The following NCS1 variants were observed in gnomAD, a reference collection of about 807,000 sequenced individuals.
The protein encoded by NCS1 is frequenin homolog.
NCS1 carries 6 observed loss-of-function variants against 28.4 expected under a neutral mutation model. The ratio of observed to expected loss-of-function variants is 0.21; its 90% CI spans 0.12 to 0.42. The LOEUF is 0.42. Among genes scored for constraint, NCS1 ranks in the 10% least tolerant of loss-of-function variants. The pLI, the probability that NCS1 is intolerant of heterozygous loss-of-function variation, is 1.00. For synonymous variants in NCS1, 86 were observed against 99.3 expected, an observed-to-expected ratio of 0.87 and a Z score of 0.79; for missense variants, 131 against 241.4, an observed-to-expected ratio of 0.54 and a Z score of 3.03.
intron 1 of NCS1, among the ~76,000 whole-genome samples, chr9:130,176,765 A>G (rs1331805457): frequency 1.3e-5 from 2 of 152,258 alleles, no homozygotes; most frequent in African/African-American, 4.8e-5. Flanking sequence ...GCATGGAGAC[A>G]GAGGAGTGGA....
chr9:130,214,696 A>G (rs1010264501), intron 2 of NCS1, among the ~76,000 whole-genome samples: 1 of 152,192 alleles, frequency 6.6e-6, no homozygotes, highest in African/African-American at 2.4e-5. Flanking sequence ...GAGGGCTCAG[A>G]GGAGCCTGTC....
chr9:130,223,781 AT>A (rs1189604572), intron 6 of NCS1, among the ~76,000 whole-genome samples: 8 of 151,946 alleles, frequency 5.3e-5, no homozygotes, highest in South Asian at 2.1e-4. Flanking sequence ...AAAAAGGCTG[AT>A]TTTTTTTCCC....
intron 2 of NCS1, among the ~76,000 whole-genome samples, 183 bp from the exon 3 acceptor site, chr9:130,217,649 A>G (rs554730068): frequency 2.6e-5 from 4 of 152,182 alleles, no homozygotes; most frequent in Non-Finnish European, 5.9e-5. Flanking sequence ...ATCCAAGGTC[A>G]CACTGCTAGT....
intron 1 of NCS1, among the ~76,000 whole-genome samples, chr9:130,189,755 TTGCTTGAACC>T (rs1356829103): frequency 1.3e-5 from 2 of 150,232 alleles, no homozygotes; most frequent in Non-Finnish European, 2.9e-5. Context: ...GGCAGGAGAA[TTGCTTGAACC>T]TGCTTGAACC....
rs1833556720 is a variant in NCS1 at position 130,234,798 on chromosome 9, C to T, written c.*1826C>T. The stretch of plus-strand genomic sequence containing the variant: ...CCAGACCCTTGAGCGCTCTTTGGGA[C>T]CCAGAAGGAGTCCTTGCACAGGGAA... On this transcript the variant is annotated 3_prime_UTR_variant, in exon 8 of 8. Coordinates refer to ENST00000372398, the MANE Select transcript of NCS1 (RefSeq NM_014286.4). The surrounding 1 kb of genome is among the most constrained non-coding windows in gnomAD (Gnocchi z 6.1). 2.0e-5 allele frequency: 3 copies of T among 152,362 alleles called. No individual in the cohort carries two copies. Among genetic ancestry groups the T allele is most frequent in the South Asian group, 4.1e-4 (2 of 4,830 alleles). 9.4% of individuals were successfully genotyped at this position (152,362 alleles called of 1,614,324 possible).
At chr9:130,189,607 C>T (rs1027977432) in intron 1 of NCS1, among the ~76,000 whole-genome samples, 1 of 151,922 alleles carries the variant, frequency 6.6e-6, no homozygotes, top group African/African-American at 2.4e-5. Context: ...TTTGAGAGGC[C>T]GAGGTGGGCG....
Position 130,219,997 on chromosome 9 carries a change from A to G in NCS1, c.307+194A>G, listed in dbSNP as rs1833253951. Among the ~76,000 whole-genome samples the G allele has an allele frequency of 6.6e-6, 1 of 152,250 alleles. No homozygotes were observed. The highest frequency in any genetic ancestry group is 6.5e-5 in the Admixed American group (1 of 15,292). ...CCTCACACGGCCACGTAACTAGGCC[A>G]GGCTGACTGTCCAGGGTTCAGAGAG... On this transcript the variant is annotated intron_variant, in intron 4 of 7. Coordinates refer to ENST00000372398, the MANE Select transcript of NCS1 (RefSeq NM_014286.4). The surrounding 1 kb of genome is among the most constrained non-coding windows in gnomAD (Gnocchi z 5.7).
intron 2 of NCS1, 45 bp from the exon 3 acceptor site, chr9:130,217,787 G>A (rs1371659636): frequency 1.2e-6 from 2 of 1,613,496 alleles, no homozygotes; most frequent in Admixed American, 1.7e-5. Context: ...GGTGGGTGAT[G>A]TTGGCGTCTC....
chr9:130,201,072 C>T (rs193142075), intron 2 of NCS1, 90 bp downstream of exon 2: 1 of 1,555,074 alleles, frequency 6.4e-7, no homozygotes, highest in South Asian at 1.1e-5. Context: ...TCCAGCTGCT[C>T]AGGATGGGGG....
At chr9:130,213,533 C>T (rs1234142870) in intron 2 of NCS1, among the ~76,000 whole-genome samples, 1 of 152,024 alleles carries the variant, frequency 6.6e-6, no homozygotes, top group Non-Finnish European at 1.5e-5. Context: ...CCCGTCTCAG[C>T]CTCCCAAAGT....
At chr9:130,204,470 T>G (rs1351177438) in intron 2 of NCS1, among the ~76,000 whole-genome samples, 2 of 151,864 alleles carry the variant, frequency 1.3e-5, no homozygotes, top group Non-Finnish European at 2.9e-5. Flanking sequence ...TTAAAAAATT[T>G]TACTGTAGAG....
intron 4 of NCS1, among the ~76,000 whole-genome samples, chr9:130,221,856 T>TA (rs1554910539): frequency 1.1e-4 from 8 of 70,440 alleles, no homozygotes; most frequent in African/African-American, 5.0e-4. Context: ...AAATATAAAT[T>TA]ATGTATATAT....
Position 130,236,863 on chromosome 9 carries a change from A to G in NCS1, c.*3891A>G, listed in dbSNP as rs1157045677. On this transcript the variant is annotated 3_prime_UTR_variant, in exon 8 of 8. Coordinates refer to ENST00000372398, the MANE Select transcript of NCS1 (RefSeq NM_014286.4). ...CTGCTCATTGGGTCTCAATTTCCCC[A>G]TCCCTTGGATGGGAGCAAGAGTCTC... The G allele has an allele frequency of 2.0e-5, 3 of 152,018 alleles. No homozygotes were observed. The highest frequency in any genetic ancestry group is 4.4e-5 in the Non-Finnish European group (3 of 68,006). The allele number at this position is 152,018 out of a possible 1,614,324, so 9.4% of individuals were successfully genotyped here.
rs1278824065 is a variant in NCS1, at chr9:130,186,845, C to G, written c.65-14113C>G. On this transcript the variant is annotated intron_variant, in intron 1 of 7. Coordinates refer to ENST00000372398, the MANE Select transcript of NCS1 (RefSeq NM_014286.4). This position sits in a 1 kb window ranked among gnomAD's most constrained non-coding sequence, Gnocchi z 4.1. ...GTGAGGGTGCTGATGGCGGGAGGGC[C>G]CTGATGGCAGGAGGGCCCGTGCTGT... 6.6e-6 allele frequency among the ~76,000 whole-genome samples: 1 copy of G among 152,136 alleles called. No individual in the cohort carries two copies. The highest frequency in any genetic ancestry group is 1.5e-5 in the Non-Finnish European group (1 of 68,012).
At position 130,183,310 on chromosome 9, in the gene NCS1, G is replaced by GC. The variant is rs200850484; in HGVS notation, c.64+10583_64+10584insC. Among the ~76,000 whole-genome samples, 73 of 131,214 alleles carry GC rather than the reference G, an allele frequency of 5.6e-4. No homozygotes were observed. The East Asian group carries it at 0.013, about 23-fold the overall frequency. 86.1% of individuals were successfully genotyped at this position (131,214 alleles called of 152,430 possible). A position where few individuals can be genotyped will look rare whatever the true frequency, so the allele number is the denominator to read the frequency against. ...CGGGTGCCCTGACCATGCGGCTGGG[G>GC]GGGGGAGCTCCTTGCCCAGGAGGGG... is the stretch of plus-strand genomic sequence containing the variant. On this transcript the variant is annotated intron_variant, in intron 1 of 7. Transcript: ENST00000372398.
At chr9:130,200,508 G>A in intron 1 of NCS1, 1 of 1,503,656 alleles carries the variant, frequency 6.7e-7, no homozygotes, top group South Asian at 1.2e-5. Flanking sequence ...CCCCTTTTCA[G>A]CCTAGCTCCC....
Position 130,180,858 on chromosome 9 carries a change from T to C in NCS1, c.64+8131T>C, listed in dbSNP as rs1832644392. 6.6e-6 allele frequency among the ~76,000 whole-genome samples: 1 copy of C among 152,132 alleles called. No individual in the cohort carries two copies. Among genetic ancestry groups the C allele is most frequent in the Non-Finnish European group, 1.5e-5 (1 of 68,018 alleles). ...CTGAATTGGGAGCGAGTGGCAAACATGGAGGGCCTCTGTGGTGGCCCGGCT... is the reference window on the plus strand; with the variant it reads ...CTGAATTGGGAGCGAGTGGCAAACACGGAGGGCCTCTGTGGTGGCCCGGCT... On this transcript the variant is annotated intron_variant, in intron 1 of 7. Coordinates refer to ENST00000372398, the MANE Select transcript of NCS1 (RefSeq NM_014286.4). This position sits in a 1 kb window ranked among gnomAD's most constrained non-coding sequence, Gnocchi z 4.5.
chr9:130,176,328 G>C (rs1318829088), intron 1 of NCS1, among the ~76,000 whole-genome samples: 1 of 151,546 alleles, frequency 6.6e-6, no homozygotes, highest in Non-Finnish European at 1.5e-5. Flanking sequence ...CAGTAGCTGG[G>C]ACCATGGGTG....
At chr9:130,200,349 C>G in intron 1 of NCS1, 1 of 570,874 alleles carries the variant, frequency 1.8e-6, no homozygotes, top group East Asian at 2.8e-5. Flanking sequence ...GGGCTTGGCT[C>G]CAGGCTCAGC....
Sources: allele counts gnomAD v4.1 joint callset (sites outside exome capture counted in the v4.1 genomes callset), GRCh38; gene constraint gnomAD v4.1.1; non-coding constraint Gnocchi (gnomAD v3.1); transcripts MANE v1.5; gene names NCBI Gene and HGNC (gene_info 2026-07-23, HGNC 2026-07-21).